The following AOAH variants were observed in gnomAD, a reference collection of about 807,000 sequenced individuals.
AOAH encodes acyloxyacyl hydrolase.
In AOAH, 64 loss-of-function variants were observed where a neutral mutation model predicts 92.2. The ratio of observed to expected loss-of-function variants is 0.69; its 90% CI spans 0.57 to 0.86. The LOEUF is 0.86. Among genes scored for constraint, AOAH ranks in the 40% least tolerant of loss-of-function variants. The pLI is 0.00. For missense variants in AOAH, 656 were observed against 694.6 expected, an observed-to-expected ratio of 0.94 and a Z score of 0.62; for synonymous variants, 263 against 254.5, an observed-to-expected ratio of 1.03 and a Z score of -0.32.
At chr7:36,592,721 C>T (rs1789832428) in intron 12 of AOAH, among the ~76,000 whole-genome samples, 1 of 152,206 alleles carries the variant, frequency 6.6e-6, no homozygotes, top group Non-Finnish European at 1.5e-5. Context: ...ACAATACCCA[C>T]TACCTCACAA....
intron 1 of AOAH, among the ~76,000 whole-genome samples, chr7:36,695,957 G>A (rs1266619544): frequency 3.9e-5 from 6 of 152,106 alleles, no homozygotes; most frequent in Non-Finnish European, 8.8e-5. Flanking sequence ...AATTGTGTGA[G>A]GTTTGAAATA....
Position 36,592,577 on chromosome 7 carries a change from C to T in AOAH, c.938+1762G>A, listed in dbSNP as rs929862370. ...TAAAAACAACACAAAGTTTGAGAGG[C>T]AAGAACATATCTTTGTTATGATATG... On this transcript the variant is annotated intron_variant, in intron 12 of 20. Coordinates refer to ENST00000617537, the MANE Select transcript of AOAH (RefSeq NM_001637.4). Among the ~76,000 whole-genome samples the T allele has an allele frequency of 4.1e-4, 62 of 152,188 alleles. 3 individuals are homozygous for T. Among genetic ancestry groups the T allele is most frequent in the Non-Finnish European group, 7.4e-5 (5 of 68,016 alleles).
At chr7:36,618,195 C>T in intron 10 of AOAH, 102 bp downstream of exon 10, 1 of 954,848 alleles carries the variant, frequency 1.0e-6, no homozygotes, top group Non-Finnish European at 1.7e-6. Flanking sequence ...TAAATCCTAG[C>T]ATCAAGCACG....
intron 19 of AOAH, among the ~76,000 whole-genome samples, chr7:36,529,668 A>C (rs1784582659): frequency 6.6e-6 from 1 of 152,220 alleles, no homozygotes; most frequent in African/African-American, 2.4e-5. Flanking sequence ...CTTCATTAGC[A>C]TTATCTCATC....
At chr7:36,682,530 CA>C (rs1005818336) in intron 2 of AOAH, among the ~76,000 whole-genome samples, 5 of 150,242 alleles carry the variant, frequency 3.3e-5, no homozygotes, top group African/African-American at 9.8e-5. Context: ...AAAGTCATGC[CA>C]AAAAAGGATT....
At chr7:36,670,766 C>T (rs979275551) in intron 3 of AOAH, among the ~76,000 whole-genome samples, 1 of 152,210 alleles carries the variant, frequency 6.6e-6, no homozygotes, top group Non-Finnish European at 1.5e-5. Flanking sequence ...TGAGCCACCG[C>T]GCCCGGCCCG....
At chr7:36,634,301 G>GTAGT (rs992743141) in intron 5 of AOAH, among the ~76,000 whole-genome samples, 3 of 152,136 alleles carry the variant, frequency 2.0e-5, no homozygotes, top group Non-Finnish European at 4.4e-5. Context: ...CCTGGGCCTG[G>GTAGT]TAGTTAAAGA....
At chr7:36,538,255 C>A (rs9655374) in intron 16 of AOAH, among the ~76,000 whole-genome samples, 3 of 151,478 alleles carry the variant, frequency 2.0e-5, no homozygotes, top group Non-Finnish European at 2.9e-5. Context: ...CTTGAACTCT[C>A]GCCACAGTTG....
At chr7:36,627,144 C>A (rs970385020) in intron 6 of AOAH, among the ~76,000 whole-genome samples, 1 of 152,106 alleles carries the variant, frequency 6.6e-6, no homozygotes, top group East Asian at 1.9e-4. Flanking sequence ...ACAGTTCCTG[C>A]AATTTAGGAG....
intron 2 of AOAH, among the ~76,000 whole-genome samples, chr7:36,674,524 C>T (rs1466078072): frequency 1.3e-5 from 2 of 152,246 alleles, no homozygotes; most frequent in Non-Finnish European, 2.9e-5. Flanking sequence ...ACCTTCATCA[C>T]AGGACATAGA....
intron 6 of AOAH, among the ~76,000 whole-genome samples, chr7:36,625,593 C>T (rs113633939): frequency 2.6e-5 from 4 of 152,256 alleles, no homozygotes; most frequent in African/African-American, 9.6e-5. Context: ...AGAGAGCCAC[C>T]AGCAGGAAAT....
chr7:36,603,036 C>T (rs1014541691), intron 11 of AOAH, among the ~76,000 whole-genome samples: 4 of 152,216 alleles, frequency 2.6e-5, no homozygotes, highest in Non-Finnish European at 4.4e-5. Flanking sequence ...CTTCCTCACT[C>T]TCTTCCTACA....
intron 4 of AOAH, among the ~76,000 whole-genome samples, chr7:36,645,550 G>A (rs568555927): frequency 3.9e-5 from 6 of 152,260 alleles, no homozygotes; most frequent in South Asian, 2.1e-4. Context: ...TACTGCTTAC[G>A]GGTTTTTATC....
At chr7:36,682,441 A>G (rs1796711363) in intron 2 of AOAH, among the ~76,000 whole-genome samples, 1 of 152,196 alleles carries the variant, frequency 6.6e-6, no homozygotes, top group South Asian at 2.1e-4. Context: ...ATCTAGGTCA[A>G]CTCCCATACA....
At chr7:36,629,064 A>ACTT (rs1792876902) in intron 6 of AOAH, among the ~76,000 whole-genome samples, 1 of 152,226 alleles carries the variant, frequency 6.6e-6, no homozygotes, top group Admixed American at 6.5e-5. Context: ...GCACCAGATA[A>ACTT]CTTTTACTTA....
At chr7:36,537,125 T>C (rs1785117197) in intron 16 of AOAH, among the ~76,000 whole-genome samples, 1 of 152,030 alleles carries the variant, frequency 6.6e-6, no homozygotes, top group Non-Finnish European at 1.5e-5. Context: ...CGTTGAGAAA[T>C]GTATAATTTA....
chr7:36,579,167 T>TA (rs11306626), intron 12 of AOAH, among the ~76,000 whole-genome samples: 13,216 of 149,980 alleles, frequency 0.088, 695 homozygotes, highest in Admixed American at 0.15. Flanking sequence ...TAAAACTGCT[T>TA]AAAAAAAAAA....
At chr7:36,535,098 T>G (rs4723536) in intron 16 of AOAH, among the ~76,000 whole-genome samples, 60,925 of 113,844 alleles carry the variant, frequency 0.54, 13,427 homozygotes, top group Middle Eastern at 0.61. Flanking sequence ...GTGTGTGTGT[T>G]TGTGTGTGTC....
chr7:36,608,899 T>C (rs889860913), intron 11 of AOAH, among the ~76,000 whole-genome samples: 1 of 28,280 alleles, frequency 3.5e-5, no homozygotes, highest in Non-Finnish European at 7.9e-5. Flanking sequence ...TTAGGAGCTG[T>C]TGCGGCGGGG....
Sources: allele counts gnomAD v4.1 joint callset (sites outside exome capture counted in the v4.1 genomes callset), GRCh38; gene constraint gnomAD v4.1.1; transcripts MANE v1.5; gene names NCBI Gene and HGNC (gene_info 2026-07-23, HGNC 2026-07-21).